ADAM2: variants seen among roughly 807,000 people sequenced by gnomAD.
ADAM2 encodes the protein disintegrin and metalloproteinase domain-containing protein 2.
In ADAM2, 101 loss-of-function variants were observed where a neutral mutation model predicts 99.3. That is an observed-to-expected ratio of 1.02 (90% CI 0.87 to 1.20). The LOEUF (loss-of-function observed/expected upper bound fraction) is 1.20. Ranked by LOEUF, ADAM2 falls within the 50% of genes most tolerant of loss-of-function variation. The pLI is 0.00. For missense variants in ADAM2, 948 were observed against 878.7 expected (o/e 1.08, Z -1.00); for synonymous variants, 323 against 287.6 (o/e 1.12, Z -1.25).
chr8:39,772,187 T>G (rs992680850), intron 11 of ADAM2, among the ~76,000 whole-genome samples: 1 of 151,866 alleles, frequency 6.6e-6, no homozygotes, highest in Non-Finnish European at 1.5e-5. Flanking sequence ...GCAGCTTGAA[T>G]CTTCATGGAG....
At chr8:39,822,983 G>T (rs762821136) in intron 4 of ADAM2, among the ~76,000 whole-genome samples, 2 of 152,048 alleles carry the variant, frequency 1.3e-5, no homozygotes, top group Non-Finnish European at 2.9e-5. Context: ...TGGTCAGGAT[G>T]GTCTCCATCT....
At chr8:39,826,804 T>C (rs547804952) in intron 3 of ADAM2, among the ~76,000 whole-genome samples, 2 of 151,612 alleles carry the variant, frequency 1.3e-5, no homozygotes, top group Non-Finnish European at 2.9e-5. Flanking sequence ...GAAGAAAGCA[T>C]AGAGGAAATG....
intron 15 of ADAM2, among the ~76,000 whole-genome samples, chr8:39,760,425 T>C (rs1802303001): frequency 6.6e-6 from 1 of 152,132 alleles, no homozygotes; most frequent in East Asian, 1.9e-4. Flanking sequence ...CACATGTTCT[T>C]AAATACCACG....
At chr8:39,804,716 A>G (rs1804365971) in intron 7 of ADAM2, among the ~76,000 whole-genome samples, 1 of 152,162 alleles carries the variant, frequency 6.6e-6, no homozygotes, top group Non-Finnish European at 1.5e-5. Flanking sequence ...AAAATATGGG[A>G]CAGTCATCAA....
intron 7 of ADAM2, among the ~76,000 whole-genome samples, chr8:39,797,410 GTC>G (rs1291933510): frequency 6.6e-6 from 1 of 152,008 alleles, no homozygotes; most frequent in African/African-American, 2.4e-5. Context: ...TGGTCTATAT[GTC>G]TGCTTGGTAC....
chr8:39,810,288 G>T (rs1241826421), intron 6 of ADAM2, among the ~76,000 whole-genome samples: 1 of 152,134 alleles, frequency 6.6e-6, no homozygotes, highest in Non-Finnish European at 1.5e-5. Context: ...CATAAAGCAA[G>T]TCCTTAGAGA....
intron 16 of ADAM2, among the ~76,000 whole-genome samples, chr8:39,750,221 C>T (rs894112887): frequency 1.3e-5 from 2 of 151,962 alleles, no homozygotes; most frequent in African/African-American, 4.8e-5. Flanking sequence ...CCATGGAAGA[C>T]CGTATTGAAC....
chr8:39,762,104 C>T (rs1972168), intron 14 of ADAM2, among the ~76,000 whole-genome samples: 71,459 of 152,024 alleles, frequency 0.47, 17,121 homozygotes, highest in South Asian at 0.67. Flanking sequence ...GAAAAAAAAG[C>T]TTCAACCTAC....
chr8:39,800,286 C>G (rs1285020133), intron 7 of ADAM2, among the ~76,000 whole-genome samples: 1 of 152,160 alleles, frequency 6.6e-6, no homozygotes, highest in African/African-American at 2.4e-5. Context: ...ACTTATGATG[C>G]TTAATTTGGC....
At position 39,798,772 on chromosome 8, in the gene ADAM2, G is replaced by T. The variant is rs532544408; in HGVS notation, c.571-10032C>A. 5.9e-5 allele frequency among the ~76,000 whole-genome samples: 9 copies of T among 152,172 alleles called. No individual in the cohort carries two copies. The South Asian group carries it at 1.5e-3, about 25-fold the overall frequency. Reference sequence around the variant, plus strand: ...ATCTTCCTGGTTTAGTCTTGGTAGGGTGTATGCATCCAGGAACTTATCCAT... The same window carrying T: ...ATCTTCCTGGTTTAGTCTTGGTAGGTTGTATGCATCCAGGAACTTATCCAT... On this transcript the variant is annotated intron_variant, in intron 7 of 20. Transcript: ENST00000265708.
chr8:39,751,489 TG>T (rs1390914619), intron 16 of ADAM2, among the ~76,000 whole-genome samples: 3 of 151,172 alleles, frequency 2.0e-5, no homozygotes, highest in African/African-American at 7.4e-5. Context: ...TTTTTGTTTT[TG>T]TCTGGGTTTT....
intron 14 of ADAM2, among the ~76,000 whole-genome samples, chr8:39,765,033 A>G (rs537300979): frequency 0.03 from 621 of 20,752 alleles, 3 homozygotes; most frequent in African/African-American, 0.11. Flanking sequence ...CAAAAAATAA[A>G]TAAATAAATA....
intron 8 of ADAM2, 63 bp from the exon 9 acceptor site, chr8:39,788,314 T>C: frequency 9.3e-7 from 1 of 1,070,010 alleles, no homozygotes. Flanking sequence ...TAGATATATA[T>C]GTTTGAAAAC....
intron 16 of ADAM2, among the ~76,000 whole-genome samples, chr8:39,751,415 G>A (rs1801936774): frequency 6.6e-6 from 1 of 152,124 alleles, no homozygotes; most frequent in East Asian, 1.9e-4. Context: ...AGTTGAGGAA[G>A]GGTTGTTGGT....
intron 14 of ADAM2, among the ~76,000 whole-genome samples, chr8:39,766,176 G>A (rs1349385632): frequency 6.6e-6 from 1 of 152,050 alleles, no homozygotes; most frequent in Non-Finnish European, 1.5e-5. Context: ...GGTTTGAACT[G>A]TATTTATATG....
At position 39,749,330 on chromosome 8, in the gene ADAM2, T is replaced by G. The variant is rs749050722; in HGVS notation, c.1996A>C (p.Ile666Leu). Residue 666 changes from isoleucine (I) to leucine (L), a missense_variant, in exon 18 of 21, where the codon ATA (isoleucine) becomes CTA (leucine). Ile to Leu is a conservative substitution (Grantham distance 5). Coordinates refer to ENST00000265708, the MANE Select transcript of ADAM2 (RefSeq NM_001464.5). ...IDSGNFPPVAIPARLPERRYI... is the reference protein window; with the variant it reads ...IDSGNFPPVALPARLPERRYI... Reference sequence around the variant, plus strand: ...TACTTACCAGGGAGTCTGGCTGGTATAGCTACAGGTGGAAAATTGCCACTG... The same window carrying G: ...TACTTACCAGGGAGTCTGGCTGGTAGAGCTACAGGTGGAAAATTGCCACTG... The G allele has an allele frequency of 1.9e-6, 3 of 1,612,456 alleles. No homozygotes were observed. The highest frequency in any genetic ancestry group is 1.7e-6 in the Non-Finnish European group (2 of 1,178,984).
intron 19 of ADAM2, among the ~76,000 whole-genome samples, chr8:39,745,749 C>A (rs1049763432): frequency 3.3e-5 from 5 of 151,812 alleles, no homozygotes; most frequent in African/African-American, 1.2e-4. Context: ...TTCCTACTAC[C>A]TTTCATTAAA....
Position 39,777,128 on chromosome 8 carries a change from C to T in ADAM2, c.925G>A (p.Val309Ile). The change falls in exon 11 of 21, where the codon GTT (valine) becomes ATT (isoleucine). Residue 309 changes from valine to isoleucine, a missense_variant. Physicochemically the swap from Val to Ile is conservative, Grantham distance 29. Transcript: ENST00000265708. ...PRTISLESLA[V>I]ILAQLLSLSM... ...AGGCTCAATAATTGAGCTAAAATAA[C>T]TGCAAGTGATTCCAGACTTATGGTT... is the stretch of plus-strand genomic sequence containing the variant. 1.2e-6 allele frequency: 2 copies of T among 1,611,392 alleles called. No individual in the cohort carries two copies. Among genetic ancestry groups the T allele is most frequent in the Non-Finnish European group, 1.7e-6 (2 of 1,178,180 alleles).
At chr8:39,748,345 A>C (rs536997098) in intron 18 of ADAM2, among the ~76,000 whole-genome samples, 2 of 152,324 alleles carry the variant, frequency 1.3e-5, no homozygotes, top group East Asian at 1.9e-4. Flanking sequence ...ATGTGTGTGC[A>C]TGAATAGAAA....
Sources: allele counts gnomAD v4.1 joint callset (sites outside exome capture counted in the v4.1 genomes callset), GRCh38; gene constraint gnomAD v4.1.1; transcripts MANE v1.5; gene names NCBI Gene and HGNC (gene_info 2026-07-23, HGNC 2026-07-21).